BLM: variants seen among roughly 807,000 people sequenced by gnomAD.
BLM encodes the protein recQ-like DNA helicase BLM.
In BLM, 95 loss-of-function variants were observed where a neutral mutation model predicts 135.3. The ratio of observed to expected loss-of-function variants is 0.70; its 90% confidence interval spans 0.59 to 0.83. The LOEUF (loss-of-function observed/expected upper bound fraction) is 0.83, where lower values mean the gene tolerates loss of function less well. Among genes scored for constraint, BLM ranks in the 40% least tolerant of loss-of-function variants. The pLI is 0.00. For missense variants in BLM, 1,518 were observed against 1,663.9 expected (o/e 0.91, Z 1.53); for synonymous variants, 520 against 589.2 (o/e 0.88, Z 1.70).
intron 1 of BLM, among the ~76,000 whole-genome samples, chr15:90,745,506 C>A (rs1207375037): frequency 6.6e-6 from 1 of 152,118 alleles, no homozygotes; most frequent in African/African-American, 2.4e-5. Context: ...GCCTCCTAGG[C>A]TCAAGCAGTC....
rs146495384 is a variant in BLM at position 90,790,188 on chromosome 15, G to A, written c.2824-461G>A. On this transcript the variant is annotated intron_variant, in intron 14 of 21. Coordinates refer to ENST00000355112, the MANE Select transcript of BLM (RefSeq NM_000057.4). ...GAGCAGGTAAGAACGTATTGTTCCT[G>A]AACCATTGGAGGAACTAGCAGCAGT... 333 of 211,222 alleles carry A rather than the reference G, an allele frequency of 1.6e-3. 1 individual carries two copies. The highest frequency in any genetic ancestry group is 7.1e-3 in the African/African-American group (305 of 42,800). The allele number at this position is 211,222 out of a possible 1,614,324, so 13.1% of individuals were successfully genotyped here.
rs993893238 is a variant in BLM at position 90,815,735 on chromosome 15, AG to A, written c.*461del. Reference sequence around the variant, plus strand: ...CCCGTGAACCAGTCAGAAACATCCCAGGGGGCAGGTGGACCAAGGATGTGAA... The same window carrying A: ...CCCGTGAACCAGTCAGAAACATCCCAGGGGCAGGTGGACCAAGGATGTGAA... On this transcript the variant is annotated 3_prime_UTR_variant, in exon 22 of 22. Coordinates refer to ENST00000355112, the MANE Select transcript of BLM (RefSeq NM_000057.4). The surrounding 1 kb of genome is among the most constrained non-coding windows in gnomAD (Gnocchi z 4.6). 71 of 185,340 alleles carry A rather than the reference AG, an allele frequency of 3.8e-4. No homozygotes were observed. Among genetic ancestry groups the A allele is most frequent in the African/African-American group, 1.6e-3 (66 of 41,700 alleles). The allele number at this position is 185,340 out of a possible 1,614,324, so 11.5% of individuals were successfully genotyped here.
At chr15:90,801,592 A>G (rs895752808) in intron 17 of BLM, among the ~76,000 whole-genome samples, 1 of 152,202 alleles carries the variant, frequency 6.6e-6, no homozygotes, top group African/African-American at 2.4e-5. Flanking sequence ...CTCATCTTTC[A>G]TAATAAAGGG....
intron 17 of BLM, among the ~76,000 whole-genome samples, chr15:90,801,909 A>C (rs1282558602): frequency 2.0e-5 from 3 of 152,166 alleles, no homozygotes; most frequent in Non-Finnish European, 2.9e-5. Context: ...TACAAAAATT[A>C]ATCAGGCATG....
At chr15:90,750,873 T>C (rs1240489498) in intron 3 of BLM, among the ~76,000 whole-genome samples, 1 of 152,188 alleles carries the variant, frequency 6.6e-6, no homozygotes, top group Non-Finnish European at 1.5e-5. Flanking sequence ...CTATCCGAGA[T>C]TTCAGGCATC....
Position 90,809,253 on chromosome 15 carries a change from T to G in BLM, c.3868T>G (p.Ser1290Ala). The change falls in exon 20 of 22, where the codon TCG becomes GCG. Residue 1290 changes from serine (S) to alanine (A), a missense_variant. By Grantham distance (99) the Ser-to-Ala change is moderately conservative (BLOSUM62 1). Around this residue, in one of 5 missense-constraint regions of BLM, gnomAD observed 153 missense variants for 173.4 expected, o/e 0.88. Coordinates refer to ENST00000355112, the MANE Select transcript of BLM (RefSeq NM_000057.4). The part of the protein sequence containing the change: ...SVLQKYSEWT[S>A]PAEDSSPGIS... ...ATTACAGAAATACTCTGAATGGACATCGCCAGGTTAGTACACAGCCATGTG... is the reference window on the plus strand; with the variant it reads ...ATTACAGAAATACTCTGAATGGACAGCGCCAGGTTAGTACACAGCCATGTG... The G allele has an allele frequency of 6.2e-7, 1 of 1,614,210 alleles. No homozygotes were observed.
At chr15:90,724,997 C>T (rs1025763936) in intron 1 of BLM, among the ~76,000 whole-genome samples, 1 of 152,134 alleles carries the variant, frequency 6.6e-6, no homozygotes, top group Non-Finnish European at 1.5e-5. Context: ...CAACCTCTAC[C>T]AGCTGGGTTC....
intron 3 of BLM, 93 bp downstream of exon 3, chr15:90,750,160 T>G: frequency 7.2e-7 from 1 of 1,386,352 alleles, no homozygotes; most frequent in Non-Finnish European, 1.0e-6. Context: ...ATAGAGCTTT[T>G]GTCCTTAAGG....
intron 1 of BLM, among the ~76,000 whole-genome samples, chr15:90,744,053 G>T (rs1237500289): frequency 6.6e-6 from 1 of 152,178 alleles, no homozygotes; most frequent in African/African-American, 2.4e-5. Flanking sequence ...CCATGCTGTG[G>T]AGTAATGTAG....
rs56410027 is a variant in BLM, at chr15:90,755,399, G to A, written c.1087+461G>A. ...TGCTTTCTTGACCTTTCATCCTCCG[G>A]TTCTCCCTTGTATATACTCTGAGTC... On this transcript the variant is annotated intron_variant, in intron 5 of 21. Transcript: ENST00000355112. 2.3e-3 allele frequency: 420 copies of A among 180,804 alleles called. 3 individuals carry two copies. The highest frequency in any genetic ancestry group is 9.5e-3 in the African/African-American group (397 of 41,680). 11.2% of individuals were successfully genotyped at this position (180,804 alleles called of 1,614,324 possible). A position where few individuals can be genotyped will look rare whatever the true frequency, so the allele number is the denominator to read the frequency against.
intron 5 of BLM, among the ~76,000 whole-genome samples, chr15:90,759,311 T>C (rs1034322911): frequency 2.0e-5 from 3 of 151,602 alleles, no homozygotes; most frequent in Admixed American, 6.6e-5. Context: ...CCTGTAATCC[T>C]AGCACTTTAG....
chr15:90,724,920 G>GT (rs1170370826), intron 1 of BLM, among the ~76,000 whole-genome samples: 1 of 152,044 alleles, frequency 6.6e-6, no homozygotes, highest in Non-Finnish European at 1.5e-5. Context: ...GTTTTGTTTT[G>GT]TTTTTTGAGA....
intron 16 of BLM, 84 bp from the exon 17 acceptor site, chr15:90,798,106 A>G: frequency 8.0e-7 from 1 of 1,244,600 alleles, no homozygotes; most frequent in Non-Finnish European, 1.1e-6. Context: ...GTTATGATGA[A>G]TCTACTATAG....
chr15:90,796,252 A>G (rs1287069402), intron 16 of BLM, among the ~76,000 whole-genome samples: 1 of 152,218 alleles, frequency 6.6e-6, no homozygotes, highest in Non-Finnish European at 1.5e-5. Flanking sequence ...TTACATATTA[A>G]GATTCAAAAA....
chr15:90,734,585 G>A (rs1182715510), intron 1 of BLM, among the ~76,000 whole-genome samples: 1 of 151,776 alleles, frequency 6.6e-6, no homozygotes, highest in Non-Finnish European at 1.5e-5. Context: ...ACCATGCCTG[G>A]CCAATCAATA....
chr15:90,798,363 A>G, intron 17 of BLM, 26 bp downstream of exon 17: 1 of 1,608,438 alleles, frequency 6.2e-7, no homozygotes, highest in Non-Finnish European at 8.5e-7. Context: ...TGAATGTTTG[A>G]GTTACTTCAA....
chr15:90,763,874 G>T (rs1896051722), intron 8 of BLM, among the ~76,000 whole-genome samples: 1 of 152,180 alleles, frequency 6.6e-6, no homozygotes, highest in Admixed American at 6.5e-5. Flanking sequence ...TGCAGTTTCA[G>T]TACCTATGTG....
intron 12 of BLM, among the ~76,000 whole-genome samples, chr15:90,777,523 A>G (rs1009884468): frequency 2.6e-5 from 4 of 152,222 alleles, no homozygotes; most frequent in South Asian, 2.1e-4. Context: ...AAAAGCAACA[A>G]GCTGAGCTCT....
At chr15:90,763,923 A>G (rs1596232943) in intron 8 of BLM, among the ~76,000 whole-genome samples, 1 of 152,346 alleles carries the variant, frequency 6.6e-6, no homozygotes, top group East Asian at 1.9e-4. Context: ...TGTGACCTTT[A>G]GCAAGTTAGC....
Sources: allele counts gnomAD v4.1 joint callset (sites outside exome capture counted in the v4.1 genomes callset), GRCh38; gene constraint gnomAD v4.1.1; regional missense constraint gnomAD v4.1.1; non-coding constraint Gnocchi (gnomAD v3.1); transcripts MANE v1.5; gene names NCBI Gene and HGNC (gene_info 2026-07-23, HGNC 2026-07-21).